The following CDHR2 variants were observed in gnomAD, a reference collection of about 807,000 sequenced individuals.
The protein encoded by CDHR2 is cadherin-related family member 2.
Under a neutral mutation model 138.6 loss-of-function variants are expected in CDHR2, and 104 were observed. The ratio of observed to expected loss-of-function variants is 0.75; its 90% confidence interval spans 0.64 to 0.88. The LOEUF is 0.88. Among genes scored for constraint, CDHR2 ranks in the 40% least tolerant of loss-of-function variants. CDHR2 has a pLI of 0.00. For missense variants in CDHR2, 1,624 were observed against 1,727.6 expected (o/e 0.94, Z 1.06); for synonymous variants, 755 against 742.8 (o/e 1.02, Z -0.27).
intron 16 of CDHR2, 96 bp from the exon 17 acceptor site, chr5:176,581,247 G>A (rs1032077857): frequency 1.3e-5 from 20 of 1,507,256 alleles, no homozygotes; most frequent in African/African-American, 6.8e-5. Flanking sequence ...GACTGCCTGC[G>A]TGGGCCAGCG....
rs199612663 is a variant in CDHR2 at position 176,590,402 on chromosome 5, C to A, written c.3354-23C>A. 10 of 1,614,138 alleles carry A rather than the reference C, an allele frequency of 6.2e-6. No individual in the cohort carries two copies. The Admixed American group carries it at 1.2e-4, about 19-fold the overall frequency. The stretch of plus-strand genomic sequence containing the variant: ...CTGGGGTGTGCCAAGGTCCCTCGGG[C>A]CTAAGTGGAGTTCTGTGGCCAGGAT... On this transcript the variant is annotated intron_variant, in intron 26 of 31. Transcript: ENST00000261944.
chr5:176,562,369 C>T (rs1380093727), intron 1 of CDHR2, among the ~76,000 whole-genome samples: 3 of 151,386 alleles, frequency 2.0e-5, no homozygotes, highest in Non-Finnish European at 4.4e-5. Context: ...ACGGATTGGA[C>T]GTGGGCGTTC....
rs772517444 is a variant in CDHR2, at chr5:176,595,585, G to A, written c.3846G>A (p.Val1282=). 2 of 1,612,948 alleles carry A rather than the reference G, an allele frequency of 1.2e-6. No homozygotes were observed. Among genetic ancestry groups the A allele is most frequent in the Admixed American group, 3.3e-5 (2 of 59,930 alleles). The change falls in exon 32 of 32, where the codon GTG becomes GTA. Residue 1282 remains valine, a synonymous_variant. Transcript: ENST00000261944. ...PPEPDPEPLS[V]VLLGRQAGAS... is the part of the protein sequence containing the mutation. The stretch of plus-strand genomic sequence containing the variant: ...AGCCAGATCCAGAGCCCCTGAGCGT[G>A]GTCCTGTTAGGACGGCAGGCAGGCG...
intron 1 of CDHR2, among the ~76,000 whole-genome samples, chr5:176,564,596 A>G (rs1392985800): frequency 6.6e-6 from 1 of 152,154 alleles, no homozygotes; most frequent in African/African-American, 2.4e-5. Flanking sequence ...GCAACATAAG[A>G]TGATCAAAAA....
chr5:176,543,132 G>A lies in CDHR2; in HGVS notation c.-16+363G>A, dbSNP rs1581123033. Among the ~76,000 whole-genome samples the A allele has an allele frequency of 6.6e-6, 1 of 151,228 alleles. No homozygotes were observed. Among genetic ancestry groups the A allele is most frequent in the African/African-American group, 2.4e-5 (1 of 41,276 alleles). On this transcript the variant is annotated intron_variant, in intron 1 of 31. Coordinates refer to the CDHR2 transcript ENST00000510636. The surrounding 1 kb of genome is among the most constrained non-coding windows in gnomAD (Gnocchi z 4.0). ...GGGACTGCGAGCTCCCGCCGTGCGG[G>A]CGCCGGCAGAGGCCTGGCGGGAAGA... is the stretch of plus-strand genomic sequence containing the variant.
chr5:176,577,427 TG>T lies in CDHR2; in HGVS notation c.1229del (p.Gly410AlafsTer24). 6.2e-7 allele frequency: 1 copy of T among 1,609,834 alleles called. No individual in the cohort carries two copies. Among genetic ancestry groups the T allele is most frequent in the Non-Finnish European group, 8.5e-7 (1 of 1,178,670 alleles). ...KGSNGTFLLS[L>X]GGPDAEAFSV... ...AGCAATGGCACCTTCCTGTTGTCGC[TG>T]GGGGGCCCCGATGCAGAAGCCTTCA... On this transcript the variant is annotated frameshift_variant, in exon 13 of 32. Coordinates refer to ENST00000261944, the MANE Select transcript of CDHR2 (RefSeq NM_017675.6). LOFTEE classifies it high-confidence loss of function.
In CDHR2 at chr5:176,581,537, C is replaced by A. The variant is rs187812988; in HGVS notation, c.2013C>A (p.Gly671=). The A allele has an allele frequency of 2.5e-6, 4 of 1,614,080 alleles. No individual in the cohort carries two copies. The highest frequency in any genetic ancestry group is 3.4e-6 in the Non-Finnish European group (4 of 1,180,044). The part of the protein sequence containing the change: ...IVLTVLVSDC[G]EPVLGTKVNV... The stretch of plus-strand genomic sequence containing the variant: ...TGACAGTGCTTGTGTCTGACTGCGG[C>A]GAGCCTGTCCTCGGCACCAAAGTCA... Residue 671 remains glycine, a synonymous_variant, in exon 17 of 32, where the codon GGC becomes GGA. Coordinates refer to ENST00000261944, the MANE Select transcript of CDHR2 (RefSeq NM_017675.6).
intron 6 of CDHR2, 57 bp from the exon 7 acceptor site, chr5:176,574,024 CGG>C (rs1349527115): frequency 7.6e-7 from 1 of 1,319,678 alleles, no homozygotes; most frequent in African/African-American, 1.4e-5. Context: ...GGGGCAGTGA[CGG>C]ACAAGGGAGA....
intron 1 of CDHR2, among the ~76,000 whole-genome samples, chr5:176,563,862 T>A (rs1312854869): frequency 1.3e-5 from 2 of 152,202 alleles, no homozygotes; most frequent in African/African-American, 4.8e-5. Flanking sequence ...CAAGCTTGTT[T>A]AATTCATTTT....
intron 1 of CDHR2, among the ~76,000 whole-genome samples, chr5:176,563,501 C>A (rs1410139043): frequency 2.0e-5 from 3 of 151,886 alleles, no homozygotes; most frequent in East Asian, 1.9e-4. Flanking sequence ...AAAAAAAAAA[C>A]CCTCATGGCA....
chr5:176,573,713 G>A (rs570807716), intron 6 of CDHR2, among the ~76,000 whole-genome samples: 4 of 152,196 alleles, frequency 2.6e-5, no homozygotes, highest in African/African-American at 9.6e-5. Flanking sequence ...CCCCAAAGAA[G>A]CCTCCAGCTC....
At chr5:176,551,308 C>T (rs1418838555) in intron 1 of CDHR2, among the ~76,000 whole-genome samples, 1 of 151,998 alleles carries the variant, frequency 6.6e-6, no homozygotes, top group Non-Finnish European at 1.5e-5. Flanking sequence ...GCTGGGATTA[C>T]AGGTGTGCGC....
upstream of CDHR2, chr5:176,547,324 T>G (rs1420756478): frequency 2.0e-5 from 3 of 152,172 alleles, no homozygotes; most frequent in African/African-American, 7.2e-5. Context: ...CTCAATTCCC[T>G]TTTTTCTTTG....
upstream of CDHR2, among the ~76,000 whole-genome samples, chr5:176,545,587 T>A (rs1757570042): frequency 6.6e-6 from 1 of 152,218 alleles, no homozygotes; most frequent in African/African-American, 2.4e-5. Context: ...CATTACATCA[T>A]TACTCCTTAG....
At chr5:176,592,922 G>A (rs1315137483) in intron 31 of CDHR2, 142 bp downstream of exon 31, 1 of 735,636 alleles carries the variant, frequency 1.4e-6, no homozygotes, top group East Asian at 2.6e-5. Flanking sequence ...CTGTGGCTTT[G>A]GAATGGGGTC....
At chr5:176,579,510 T>C (rs1001156824) in intron 16 of CDHR2, among the ~76,000 whole-genome samples, 4 of 152,086 alleles carry the variant, frequency 2.6e-5, no homozygotes, top group Non-Finnish European at 5.9e-5. Context: ...GTGAGCTCCT[T>C]GGGGCAGGAG....
In CDHR2 at chr5:176,589,420, A is replaced by G. The variant is rs375363616; in HGVS notation, c.3099A>G (p.Glu1033=). The change falls in exon 23 of 32, where the codon GAA becomes GAG. Residue 1033 remains glutamate (E), a synonymous_variant. Transcript: ENST00000261944. The part of the protein sequence containing the change: ...RDRPSLGPFL[E]ATTTLNLFTV... ...GACCTTCCTTGGGTCCTTTCCTGGA[A>G]GCCACCACCACCCTGAATGTGAGTG... 14 of 1,590,640 alleles carry G rather than the reference A, an allele frequency of 8.8e-6. No individual in the cohort carries two copies. The highest frequency in any genetic ancestry group is 1.2e-5 in the Non-Finnish European group (14 of 1,166,420).
chr5:176,551,304 A>AT (rs1757699005), intron 1 of CDHR2, among the ~76,000 whole-genome samples: 1 of 151,662 alleles, frequency 6.6e-6, no homozygotes, highest in South Asian at 2.1e-4. Flanking sequence ...AATAGCTGGG[A>AT]TTACAGGTGT....
At position 176,591,488 on chromosome 5, in the gene CDHR2, A is replaced by G. The variant is rs1465868353; in HGVS notation, c.3734+4A>G. The stretch of plus-strand genomic sequence containing the variant: ...CCAATGACCTGGACTCTGTCAGGTG[A>G]GCAGTGCCCCTCACAGCCAGGCTAG... On this transcript the variant is annotated splice_donor_region_variant and intron_variant, in intron 30 of 31. Coordinates refer to ENST00000261944, the MANE Select transcript of CDHR2 (RefSeq NM_017675.6). 6.2e-7 allele frequency: 1 copy of G among 1,609,828 alleles called. No homozygotes were observed. Among genetic ancestry groups the G allele is most frequent in the Admixed American group, 1.7e-5 (1 of 59,992 alleles).
Sources: gnomAD v4.1 joint callset for allele counts (sites outside exome capture counted in the v4.1 genomes callset) on GRCh38, gnomAD v4.1.1 for gene constraint, Gnocchi (gnomAD v3.1) non-coding constraint, MANE v1.5 for transcripts, NCBI Gene and HGNC (gene_info 2026-07-23, HGNC 2026-07-21) for gene names.